RAD51AP2: variants seen among roughly 807,000 people sequenced by gnomAD.
RAD51AP2 encodes the protein RAD51 associated protein 2.
Under a neutral mutation model 85.5 loss-of-function variants are expected in RAD51AP2, and 67 were observed. The observed-to-expected ratio is 0.78, with a 90% CI of 0.64 to 0.96. The LOEUF (loss-of-function observed/expected upper bound fraction) is 0.96, where lower values mean the gene tolerates loss of function less well. Ranked by LOEUF, RAD51AP2 falls within the 40% of genes least tolerant of loss-of-function variation. The pLI is 0.00. For synonymous variants in RAD51AP2, 474 were observed against 446.5 expected, an observed-to-expected ratio of 1.06 and a Z score of -0.78; for missense variants, 1,307 against 1,332.4, an observed-to-expected ratio of 0.98 and a Z score of 0.30.
upstream of RAD51AP2, among the ~76,000 whole-genome samples, chr2:17,522,578 C>T (rs1016286782): frequency 6.6e-6 from 1 of 151,900 alleles, no homozygotes; most frequent in Non-Finnish European, 1.5e-5. Context: ...TTACAACATC[C>T]ATTTGATACT....
rs751437825 is a variant in RAD51AP2 at position 17,517,768 on chromosome 2, ACT to A, written c.646_647del (p.Ser216CysfsTer6). 2 of 1,613,832 alleles carry A rather than the reference ACT, an allele frequency of 1.2e-6. No individual in the cohort carries two copies. The highest frequency in any genetic ancestry group is 3.3e-5 in the Admixed American group (2 of 60,002). On this transcript the variant is annotated frameshift_variant, in exon 1 of 3. Coordinates refer to ENST00000399080, the MANE Select transcript of RAD51AP2 (RefSeq NM_001099218.3). LOFTEE classifies it high-confidence loss of function. ...TTTCTCTTTTATTTGATGGCACAAC[ACT>A]GTTAGCTTTACATCTGTTCTTAATT... Reference protein sequence around the residue: ...HEIKNRCKANSVVPSNKRENN... With the variant: ...HEIKNRCKANXVVPSNKRENN...
the RAD51AP2 span, among the ~76,000 whole-genome samples, chr2:17,528,879 C>T: frequency 6.6e-6 from 1 of 152,056 alleles, no homozygotes; most frequent in African/African-American, 2.4e-5. Context: ...GCACAAACTT[C>T]ATTTGTCAGT....
upstream of RAD51AP2, among the ~76,000 whole-genome samples, chr2:17,522,987 T>G (rs546914641): frequency 3.6e-4 from 54 of 152,048 alleles, no homozygotes; most frequent in South Asian, 0.011. Flanking sequence ...AAATATTGAA[T>G]AGTAGTTGGA....
At chr2:17,536,206 AG>A in the RAD51AP2 span, among the ~76,000 whole-genome samples, 2 of 152,216 alleles carry the variant, frequency 1.3e-5, no homozygotes, top group African/African-American at 4.8e-5. Flanking sequence ...GCTTTAGGCA[AG>A]AAGGGTTTTT....
rs1378352943 is a variant in RAD51AP2, at chr2:17,517,882, CTGT to C, written c.531_533del (p.Gln178del). 6.2e-7 allele frequency: 1 copy of C among 1,614,082 alleles called. No homozygotes were observed. ...GAACATTGTCTCTTCCTTGGACAAA[CTGT>C]TGTTTTCGATTCTCATTTCTAATTC... On this transcript the variant is annotated inframe_deletion, in exon 1 of 3. Coordinates refer to ENST00000399080, the MANE Select transcript of RAD51AP2 (RefSeq NM_001099218.3).
the RAD51AP2 span, among the ~76,000 whole-genome samples, chr2:17,531,580 T>G: frequency 6.6e-6 from 1 of 152,208 alleles, no homozygotes; most frequent in African/African-American, 2.4e-5. Context: ...TTGTTTAACA[T>G]TACAGTGCTA....
chr2:17,519,893 T>C (rs1456960755), upstream of RAD51AP2, among the ~76,000 whole-genome samples: 1 of 152,206 alleles, frequency 6.6e-6, no homozygotes, highest in Non-Finnish European at 1.5e-5. Flanking sequence ...GTGTATATAA[T>C]TGGTGCGCTA....
chr2:17,511,068 T>C, intron 2 of RAD51AP2, 113 bp from the exon 3 acceptor site: 3 of 565,114 alleles, frequency 5.3e-6, no homozygotes, highest in Non-Finnish European at 5.8e-6. Flanking sequence ...GAGCACTTAT[T>C]ATTTATGTGC....
chr2:17,536,273 C>T, the RAD51AP2 span, among the ~76,000 whole-genome samples: 7 of 152,080 alleles, frequency 4.6e-5, no homozygotes, highest in African/African-American at 1.7e-4. Context: ...AAAATGGATC[C>T]GTGATATTAT....
At chr2:17,532,946 T>G in the RAD51AP2 span, among the ~76,000 whole-genome samples, 12 of 152,214 alleles carry the variant, frequency 7.9e-5, no homozygotes, top group Non-Finnish European at 4.4e-5. Context: ...CAGACAATAT[T>G]CCAAGTGCTG....
chr2:17,537,272 T>A, the RAD51AP2 span, among the ~76,000 whole-genome samples: 1 of 151,862 alleles, frequency 6.6e-6, no homozygotes, highest in Non-Finnish European at 1.5e-5. Context: ...CAATAAGCTA[T>A]GATCCTGCCA....
chr2:17,519,949 C>T (rs1035294445), upstream of RAD51AP2, among the ~76,000 whole-genome samples: 1 of 152,108 alleles, frequency 6.6e-6, no homozygotes, highest in African/African-American at 2.4e-5. Context: ...AAGTAAATGC[C>T]ATTGATTGTG....
the RAD51AP2 span, among the ~76,000 whole-genome samples, chr2:17,532,702 CTAGA>C: frequency 3.9e-5 from 6 of 151,912 alleles, no homozygotes; most frequent in East Asian, 1.9e-4. Context: ...AAACAAAAAA[CTAGA>C]TAGATAGATG....
At chr2:17,525,398 C>A in the RAD51AP2 span, among the ~76,000 whole-genome samples, 1 of 152,076 alleles carries the variant, frequency 6.6e-6, no homozygotes. Flanking sequence ...CCAAGAATCA[C>A]AGAAAGTAGA....
rs1224244261 is a variant in RAD51AP2 at position 17,517,329 on chromosome 2, A to G, written c.1087T>C (p.Ser363Pro). The G allele has an allele frequency of 8.7e-6, 14 of 1,613,930 alleles. No individual in the cohort carries two copies. The highest frequency in any genetic ancestry group is 4.5e-5 in the East Asian group (2 of 44,856). Residue 363 changes from serine to proline, a missense_variant, in exon 1 of 3, where the codon TCT becomes CCT. Coordinates refer to ENST00000399080, the MANE Select transcript of RAD51AP2 (RefSeq NM_001099218.3). ...CSSIQCNVRD[S>P]RKNFAILENA... is the part of the protein sequence containing the mutation. ...TCTAGTATAGCGAAATTCTTTCTAG[A>G]GTCTCTTACATTACACTGGATACTA...
chr2:17,522,504 T>C (rs1368371583), upstream of RAD51AP2, among the ~76,000 whole-genome samples: 1 of 152,012 alleles, frequency 6.6e-6, no homozygotes, highest in African/African-American at 2.4e-5. Flanking sequence ...CTTACTTAGC[T>C]AATTAGAAAT....
At chr2:17,515,108 C>T in intron 1 of RAD51AP2, 61 bp downstream of exon 1, 1 of 1,364,088 alleles carries the variant, frequency 7.3e-7, no homozygotes, top group Admixed American at 2.6e-5. Context: ...ATTTGGCCTA[C>T]ACAGAAAAAA....
chr2:17,530,048 A>C, the RAD51AP2 span, among the ~76,000 whole-genome samples: 1 of 152,182 alleles, frequency 6.6e-6, no homozygotes, highest in South Asian at 2.1e-4. Context: ...TTCTTGCCCC[A>C]TTCCCAGTTC....
rs1331151603 is a variant in RAD51AP2, at chr2:17,514,091, A to G, written c.3249T>C (p.Asp1083=). ...EELLYSTSEK[D]CETPLPKRPA... ...GTCTTTTAGGTAAAGGTGTTTCACA[A>G]TCTGAAAATAAAGAGTGATATGTTA... is the stretch of plus-strand genomic sequence containing the variant. The change falls in exon 2 of 3, where the codon GAT becomes GAC. Residue 1083 remains aspartate, a splice_region_variant and synonymous_variant. Coordinates refer to ENST00000399080, the MANE Select transcript of RAD51AP2 (RefSeq NM_001099218.3). 1.3e-6 allele frequency: 2 copies of G among 1,548,212 alleles called. No homozygotes were observed. The highest frequency in any genetic ancestry group is 2.3e-5 in the East Asian group (1 of 44,318).
Sources: gnomAD v4.1 joint callset for allele counts (sites outside exome capture counted in the v4.1 genomes callset) on GRCh38, gnomAD v4.1.1 for gene constraint, MANE v1.5 for transcripts, NCBI Gene and HGNC (gene_info 2026-07-23, HGNC 2026-07-21) for gene names.